C5orf34: variants seen among roughly 807,000 people sequenced by gnomAD.
C5orf34 encodes the protein chromosome 5 open reading frame 34.
C5orf34 carries 73 observed loss-of-function variants against 78.4 expected under a neutral mutation model. That is an observed-to-expected ratio of 0.93 (90% CI 0.77 to 1.13). The LOEUF (loss-of-function observed/expected upper bound fraction) is 1.13. C5orf34 is among the 50% of genes most tolerant of loss of function. The probability of loss-of-function intolerance (pLI) is 0.00; values close to 1 mark genes in which losing one functional copy is unlikely to be tolerated. For synonymous variants in C5orf34, 251 were observed against 246.6 expected (o/e 1.02, Z -0.17); for missense variants, 730 against 732.7 (o/e 1.00, Z 0.04).
Position 43,509,368 on chromosome 5 carries a change from G to C in C5orf34, c.-29C>G, listed in dbSNP as rs369054413. On this transcript the variant is annotated 5_prime_UTR_variant, in exon 2 of 13. Coordinates refer to ENST00000306862, the MANE Select transcript of C5orf34 (RefSeq NM_198566.4). ...AACGGCAGGATAAGATATCTTCTAA[G>C]TCAAAGACTGAATGAAATAGGAAAA... 6.6e-7 allele frequency: 1 copy of C among 1,524,954 alleles called. No individual in the cohort carries two copies. Among genetic ancestry groups the C allele is most frequent in the Non-Finnish European group, 8.9e-7 (1 of 1,126,630 alleles). 94.5% of individuals were successfully genotyped at this position (1,524,954 alleles called of 1,614,324 possible).
chr5:43,504,671 A>G (rs1745904988), intron 4 of C5orf34, among the ~76,000 whole-genome samples: 1 of 152,182 alleles, frequency 6.6e-6, no homozygotes, highest in African/African-American at 2.4e-5. Context: ...AAGAATAGAG[A>G]AAGCAAGGGC....
intron 1 of C5orf34, among the ~76,000 whole-genome samples, chr5:43,512,342 T>C (rs1746304470): frequency 6.6e-6 from 1 of 152,240 alleles, no homozygotes; most frequent in Non-Finnish European, 1.5e-5. Context: ...ACACTTTCAC[T>C]TTATCCCTAT....
rs1477541302 is a variant in C5orf34 at position 43,496,170 on chromosome 5, G to A, written c.1153-1569C>T. The A allele has an allele frequency of 1.8e-5, 28 of 1,533,094 alleles. No individual in the cohort carries two copies. In the East Asian group the frequency reaches 6.1e-4, roughly 33 times the overall value. The allele number at this position is 1,533,094 out of a possible 1,614,324, so 95.0% of individuals were successfully genotyped here. ...TAATCATGTTTTTGATGAAGTCTCTGAGTCCTGGGGCATCAATGATAGTCA... is the reference window on the plus strand; with the variant it reads ...TAATCATGTTTTTGATGAAGTCTCTAAGTCCTGGGGCATCAATGATAGTCA... On this transcript the variant is annotated intron_variant, in intron 6 of 12. Transcript: ENST00000306862.
At position 43,492,266 on chromosome 5, in the gene C5orf34, G is replaced by C. The variant is rs1412272476; in HGVS notation, c.1529C>G (p.Pro510Arg). The C allele has an allele frequency of 6.2e-7, 1 of 1,612,074 alleles. No homozygotes were observed. Among genetic ancestry groups the C allele is most frequent in the Admixed American group, 1.7e-5 (1 of 59,920 alleles). Residue 510 changes from proline (P) to arginine (R), a missense_variant, in exon 10 of 13, where the codon CCT (proline) becomes CGT (arginine). By Grantham distance (103) the Pro-to-Arg change is moderately radical (BLOSUM62 -2). Transcript: ENST00000306862. ...LNLGWCKLTF[P>R]DGQEQLIQIE... ...CTGAATTAACTGCTCTTGTCCATCA[G>C]GAAAAGTTAACTTACACCAACCTAA...
chr5:43,490,839 A>G (rs2112267736), intron 10 of C5orf34, 110 bp from the exon 11 acceptor site: 1 of 606,578 alleles, frequency 1.6e-6, no homozygotes. Context: ...TAAAGAAAAA[A>G]TGTTAAAGTG....
intron 10 of C5orf34, among the ~76,000 whole-genome samples, chr5:43,491,646 A>T (rs1745283425): frequency 6.6e-6 from 1 of 152,234 alleles, no homozygotes; most frequent in Non-Finnish European, 1.5e-5. Context: ...CCTCCACAGC[A>T]AATCAGTATG....
rs1038288279 is a variant in C5orf34, at chr5:43,514,948, A to G, written c.-179T>C. 6.6e-6 allele frequency: 1 copy of G among 152,168 alleles called. No homozygotes were observed. Among genetic ancestry groups the G allele is most frequent in the Non-Finnish European group, 1.5e-5 (1 of 68,038 alleles). The allele number at this position is 152,168 out of a possible 1,614,324, so 9.4% of individuals were successfully genotyped here. A position where few individuals can be genotyped will look rare whatever the true frequency, so the allele number is the denominator to read the frequency against. On this transcript the variant is annotated 5_prime_UTR_variant, in exon 1 of 13. Coordinates refer to ENST00000306862, the MANE Select transcript of C5orf34 (RefSeq NM_198566.4). ...GGTTTCTTCAGTTTGACAAATTACC[A>G]GCGAGTGATATTTCTTGGTGAAAGA...
intron 7 of C5orf34, 61 bp from the exon 8 acceptor site, chr5:43,493,673 C>A (rs909323568): frequency 2.2e-6 from 2 of 894,990 alleles, no homozygotes; most frequent in East Asian, 2.5e-5. Flanking sequence ...TTCTAGCAAC[C>A]CATTTTCACT....
chr5:43,514,907 C>T lies in C5orf34; in HGVS notation c.-138G>A, dbSNP rs544493253. 5.3e-5 allele frequency: 8 copies of T among 152,258 alleles called. No homozygotes were observed. The highest frequency in any genetic ancestry group is 1.7e-4 in the African/African-American group (7 of 41,542). 9.4% of individuals were successfully genotyped at this position (152,258 alleles called of 1,614,324 possible). On this transcript the variant is annotated 5_prime_UTR_variant, in exon 1 of 13. It adds an upstream start codon to the 5' untranslated region. Coordinates refer to ENST00000306862, the MANE Select transcript of C5orf34 (RefSeq NM_198566.4). ...AAGCCGCAGCGTCGGCGCCTGCCCA[C>T]CACTGCTTCTTCAGGGGTTTCTTCA...
At position 43,509,324 on chromosome 5, in the gene C5orf34, G is replaced by A. The variant is rs747141767; in HGVS notation, c.16C>T (p.Arg6Ter). The change falls in exon 2 of 13, where the codon CGA becomes TGA. Residue 6 changes from arginine to a stop codon, truncating the protein, a stop_gained. Transcript: ENST00000306862. LOFTEE classifies it high-confidence loss of function. MAAEL[R>*]MILYEDDSVQ... is the part of the protein sequence containing the mutation. ...GAATCATCTTCATAAAGTATCATTC[G>A]CAGTTCAGCTGCCATTACAACGGCA... 26 of 1,607,612 alleles carry A rather than the reference G, an allele frequency of 1.6e-5. No homozygotes were observed. Among genetic ancestry groups the A allele is most frequent in the Non-Finnish European group, 2.0e-5 (23 of 1,177,714 alleles).
chr5:43,487,277 G>A (rs995866752), intron 12 of C5orf34, among the ~76,000 whole-genome samples, 166 bp from the exon 13 acceptor site: 3 of 152,140 alleles, frequency 2.0e-5, no homozygotes, highest in African/African-American at 7.2e-5. Flanking sequence ...CCTTGTAGAT[G>A]AAGAAACTAA....
intron 1 of C5orf34, 72 bp from the exon 2 acceptor site, chr5:43,509,447 G>A (rs554269053): frequency 2.0e-5 from 16 of 803,932 alleles, no homozygotes; most frequent in Middle Eastern, 3.5e-4. Flanking sequence ...AAATAAGTGC[G>A]TGCATTTTCT....
chr5:43,499,033 T>C (rs772276655), intron 6 of C5orf34, among the ~76,000 whole-genome samples: 3 of 152,222 alleles, frequency 2.0e-5, no homozygotes, highest in Non-Finnish European at 2.9e-5. Context: ...TTGAATAAGA[T>C]AGGGCTTAAA....
intron 1 of C5orf34, 129 bp from the exon 2 acceptor site, chr5:43,509,504 C>T (rs1323824463): frequency 9.2e-6 from 5 of 546,000 alleles, no homozygotes; most frequent in Non-Finnish European, 1.6e-5. Flanking sequence ...AGAATACTAA[C>T]TACACTGGAT....
chr5:43,505,421 A>T (rs1433565739), intron 4 of C5orf34: 1 of 214,164 alleles, frequency 4.7e-6, no homozygotes, highest in Non-Finnish European at 9.2e-6. Context: ...CCCATCATTT[A>T]GCATACTTTA....
intron 1 of C5orf34, among the ~76,000 whole-genome samples, chr5:43,513,025 A>T (rs6869817): frequency 6.6e-6 from 1 of 152,000 alleles, no homozygotes; most frequent in Admixed American, 6.5e-5. Context: ...CTCGTGATCC[A>T]CCCGTTTTGG....
chr5:43,487,126 T>C lies in C5orf34; in HGVS notation c.1721-15A>G. Reference sequence around the variant, plus strand: ...TTCTAGTAGCACTAAGTTGCTTAGTTAAGGAGGTTTTCCCCACATTTTTCA... The same window carrying C: ...TTCTAGTAGCACTAAGTTGCTTAGTCAAGGAGGTTTTCCCCACATTTTTCA... On this transcript the variant is annotated splice_polypyrimidine_tract_variant and intron_variant, in intron 12 of 12. Transcript: ENST00000306862. 7.3e-7 allele frequency: 1 copy of C among 1,369,882 alleles called. No homozygotes were observed. The highest frequency in any genetic ancestry group is 1.6e-5 in the South Asian group (1 of 63,912). The allele number at this position is 1,369,882 out of a possible 1,614,324, so 84.9% of individuals were successfully genotyped here.
intron 6 of C5orf34, among the ~76,000 whole-genome samples, chr5:43,498,797 T>G (rs1243249764): frequency 6.6e-6 from 1 of 152,224 alleles, no homozygotes; most frequent in Non-Finnish European, 1.5e-5. Context: ...TTGAAATCAT[T>G]CAATGGTTCC....
chr5:43,486,810 G>T lies in C5orf34; in HGVS notation c.*105C>A, dbSNP rs1745087631. 2.0e-6 allele frequency: 1 copy of T among 505,626 alleles called. No individual in the cohort carries two copies. The highest frequency in any genetic ancestry group is 3.3e-6 in the Non-Finnish European group (1 of 302,810). 31.3% of individuals were successfully genotyped at this position (505,626 alleles called of 1,614,324 possible). ...AAATGTCAGTTCTTTCACAATCATT[G>T]TGCCGGGGTAATACGTACAATATCT... On this transcript the variant is annotated 3_prime_UTR_variant, in exon 13 of 13. Coordinates refer to ENST00000306862, the MANE Select transcript of C5orf34 (RefSeq NM_198566.4).
Sources: gnomAD v4.1 joint callset for allele counts (sites outside exome capture counted in the v4.1 genomes callset) on GRCh38, gnomAD v4.1.1 for gene constraint, MANE v1.5 for transcripts, NCBI Gene and HGNC (gene_info 2026-07-23, HGNC 2026-07-21) for gene names.